The following KHDRBS2 variants were observed in gnomAD, a reference collection of about 807,000 sequenced individuals.
The protein encoded by KHDRBS2 is KH domain-containing, RNA-binding, signal transduction-associated protein 2.
A neutral mutation model predicts 44.3 loss-of-function variants in KHDRBS2; 26 were observed. That is an observed-to-expected ratio of 0.59 (90% CI 0.43 to 0.81). The LOEUF is 0.81. KHDRBS2 is among the 40% of genes least tolerant of loss of function. The pLI, the probability that KHDRBS2 is intolerant of heterozygous loss-of-function variation, is 0.00. For synonymous variants in KHDRBS2, 194 were observed against 151.1 expected, an observed-to-expected ratio of 1.28 and a Z score of -2.08; for missense variants, 476 against 433.1, an observed-to-expected ratio of 1.10 and a Z score of -0.88.
rs1789571387 is a variant in KHDRBS2 at position 61,819,697 on chromosome 6, C to T, written c.810+74938G>A. Among the ~76,000 whole-genome samples the T allele has an allele frequency of 5.9e-5, 9 of 152,002 alleles. No individual in the cohort carries two copies. The South Asian group carries it at 1.7e-3, about 28-fold the overall frequency. On this transcript the variant is annotated intron_variant, in intron 6 of 8. Coordinates refer to ENST00000281156, the MANE Select transcript of KHDRBS2 (RefSeq NM_152688.4). ...ATTAGAGAAAGCAAATTTTCCATTT[C>T]CTAGCACTTAGGTGAAGACATACAG...
chr6:62,176,721 A>T (rs1287293474), intron 2 of KHDRBS2, among the ~76,000 whole-genome samples: 1 of 151,316 alleles, frequency 6.6e-6, no homozygotes, highest in Non-Finnish European at 1.5e-5. Context: ...CTTTGATTAT[A>T]GAAGACTATA....
intron 7 of KHDRBS2, among the ~76,000 whole-genome samples, chr6:61,732,013 G>A (rs1434444864): frequency 6.6e-6 from 1 of 152,064 alleles, no homozygotes; most frequent in African/African-American, 2.4e-5. Flanking sequence ...CCATGAAGAA[G>A]CATTTTTGGA....
At chr6:61,810,092 T>C (rs757145654) in intron 6 of KHDRBS2, among the ~76,000 whole-genome samples, 15 of 152,064 alleles carry the variant, frequency 9.9e-5, no homozygotes, top group Non-Finnish European at 1.9e-4. Flanking sequence ...GCAAATGGCT[T>C]TGAGGTACAG....
chr6:61,780,868 C>T (rs1782827595), intron 6 of KHDRBS2, among the ~76,000 whole-genome samples: 2 of 152,140 alleles, frequency 1.3e-5, no homozygotes, highest in South Asian at 2.1e-4. Context: ...GTTTCTTGGG[C>T]AGGCCTATCT....
chr6:61,811,870 T>C (rs1273814813), intron 6 of KHDRBS2, among the ~76,000 whole-genome samples: 2 of 152,136 alleles, frequency 1.3e-5, no homozygotes, highest in Non-Finnish European at 2.9e-5. Flanking sequence ...TGTTTCTTCA[T>C]GTACAATTCG....
downstream of KHDRBS2, among the ~76,000 whole-genome samples, chr6:61,676,094 G>A (rs1442053854): frequency 2.6e-5 from 4 of 151,740 alleles, no homozygotes; most frequent in Non-Finnish European, 5.9e-5. Context: ...TCCTGATACT[G>A]ACAAGAGAAG....
At chr6:62,269,449 A>G (rs1216107345) in intron 1 of KHDRBS2, among the ~76,000 whole-genome samples, 1 of 152,102 alleles carries the variant, frequency 6.6e-6, no homozygotes, top group Non-Finnish European at 1.5e-5. Flanking sequence ...AAATAAGAAT[A>G]CATATAAATG....
At chr6:61,767,613 T>C (rs1582700803) in intron 6 of KHDRBS2, among the ~76,000 whole-genome samples, 2 of 152,250 alleles carry the variant, frequency 1.3e-5, no homozygotes, top group East Asian at 3.9e-4. Flanking sequence ...TTTTAATTTC[T>C]TGCTTTTTAT....
At chr6:61,727,018 A>G (rs1398260651) in intron 7 of KHDRBS2, among the ~76,000 whole-genome samples, 8 of 152,332 alleles carry the variant, frequency 5.3e-5, no homozygotes, top group African/African-American at 1.9e-4. Context: ...CCTGAATTCA[A>G]GCCATACTAC....
the KHDRBS2 span, among the ~76,000 whole-genome samples, chr6:61,661,861 TACCAATG>T: frequency 2.6e-5 from 4 of 152,056 alleles, no homozygotes; most frequent in Non-Finnish European, 5.9e-5. Context: ...CCCATCAAGC[TACCAATG>T]ACTTTATTCA....
the KHDRBS2 span, among the ~76,000 whole-genome samples, chr6:61,591,656 CACAGA>C: frequency 6.6e-6 from 1 of 152,062 alleles, no homozygotes; most frequent in Non-Finnish European, 1.5e-5. Context: ...GATCAGGGTC[CACAGA>C]ACAGAATTGT....
At chr6:61,864,321 T>C (rs1442858572) in intron 6 of KHDRBS2, among the ~76,000 whole-genome samples, 3 of 152,174 alleles carry the variant, frequency 2.0e-5, no homozygotes, top group Non-Finnish European at 2.9e-5. Flanking sequence ...GTCAACATGA[T>C]GCAAGGTGGT....
chr6:61,962,633 G>A (rs966120446), intron 4 of KHDRBS2, among the ~76,000 whole-genome samples: 1 of 152,022 alleles, frequency 6.6e-6, no homozygotes, highest in Non-Finnish European at 1.5e-5. Flanking sequence ...ATAGTTAGAA[G>A]ATGCTTACAA....
At chr6:62,124,339 A>C (rs114612245) in intron 2 of KHDRBS2, among the ~76,000 whole-genome samples, 246 of 152,302 alleles carry the variant, frequency 1.6e-3, no homozygotes, top group African/African-American at 5.7e-3. Context: ...AGGTTTTCTG[A>C]GATGGATATA....
rs189579968 is a variant in KHDRBS2, at chr6:61,940,969, G to T, written c.483+37097C>A. On this transcript the variant is annotated intron_variant, in intron 4 of 8. Transcript: ENST00000281156. ...AAAAACAGCACTGCCTTTCCCATTTGCAGGGAAGCAGTTAGGCTGTTGCCA... is the reference window on the plus strand; with the variant it reads ...AAAAACAGCACTGCCTTTCCCATTTTCAGGGAAGCAGTTAGGCTGTTGCCA... 1.2e-3 allele frequency among the ~76,000 whole-genome samples: 183 copies of T among 152,294 alleles called. 1 individual carries two copies. Among genetic ancestry groups the T allele is most frequent in the African/African-American group, 4.1e-3 (172 of 41,568 alleles).
At chr6:61,985,255 C>G (rs1285831957) in intron 3 of KHDRBS2, among the ~76,000 whole-genome samples, 1 of 152,150 alleles carries the variant, frequency 6.6e-6, no homozygotes, top group Non-Finnish European at 1.5e-5. Flanking sequence ...TTAGCCTCAA[C>G]TGCCATGATT....
rs186336943 is a variant in KHDRBS2, at chr6:62,093,719, C to T, written c.220-45725G>A. On this transcript the variant is annotated intron_variant, in intron 2 of 8. Coordinates refer to ENST00000281156, the MANE Select transcript of KHDRBS2 (RefSeq NM_152688.4). Reference sequence around the variant, plus strand: ...TCTGGAAAGACAATGTTTTAGATTCCCATTTAATAAACTCATGTGGCATTT... The same window carrying T: ...TCTGGAAAGACAATGTTTTAGATTCTCATTTAATAAACTCATGTGGCATTT... 1.2e-3 allele frequency among the ~76,000 whole-genome samples: 189 copies of T among 151,846 alleles called. 1 individual carries two copies. Among genetic ancestry groups the T allele is most frequent in the African/African-American group, 4.2e-3 (173 of 41,468 alleles).
chr6:61,962,928 A>G (rs988828932), intron 4 of KHDRBS2, among the ~76,000 whole-genome samples: 10 of 152,120 alleles, frequency 6.6e-5, no homozygotes, highest in African/African-American at 2.4e-4. Context: ...TAAATGTGTG[A>G]ATAGGTCTTT....
At chr6:61,696,504 G>A (rs891101148) in intron 8 of KHDRBS2, among the ~76,000 whole-genome samples, 3 of 151,780 alleles carry the variant, frequency 2.0e-5, no homozygotes, top group Non-Finnish European at 2.9e-5. Context: ...TGATCCGCCC[G>A]CCTCAGCCTC....
Sources: gnomAD v4.1 joint callset for allele counts (sites outside exome capture counted in the v4.1 genomes callset) on GRCh38, gnomAD v4.1.1 for gene constraint, MANE v1.5 for transcripts, NCBI Gene and HGNC (gene_info 2026-07-23, HGNC 2026-07-21) for gene names.